The following SV2B variants were observed in gnomAD, a reference collection of about 807,000 sequenced individuals.
SV2B encodes the protein solute carrier family 22 member B2.
In SV2B, 41 loss-of-function variants were observed where a neutral mutation model predicts 73.9. That is an observed-to-expected ratio of 0.56 (90% CI 0.43 to 0.72). The LOEUF (loss-of-function observed/expected upper bound fraction) is 0.72. SV2B is among the 30% of genes least tolerant of loss of function. The pLI, the probability that SV2B is intolerant of heterozygous loss-of-function variation, is 0.00. For missense variants in SV2B, 764 were observed against 857.8 expected, an observed-to-expected ratio of 0.89 and a Z score of 1.37; for synonymous variants, 314 against 314.2, an observed-to-expected ratio of 1.00 and a Z score of 0.01.
In SV2B at chr15:91,226,224, T is replaced by C; in HGVS notation, c.-40T>C. 1.9e-6 allele frequency: 3 copies of C among 1,602,024 alleles called. No individual in the cohort carries two copies. Among genetic ancestry groups the C allele is most frequent in the Non-Finnish European group, 2.6e-6 (3 of 1,170,366 alleles). On this transcript the variant is annotated 5_prime_UTR_variant, in exon 2 of 13. Transcript: ENST00000394232. ...CAAACCTCTACCACAGAGCGAGGGATATAGCTCAAGGGGCAACCAGGCAGT... is the reference window on the plus strand; with the variant it reads ...CAAACCTCTACCACAGAGCGAGGGACATAGCTCAAGGGGCAACCAGGCAGT...
Position 91,268,166 on chromosome 15 carries a change from A to C in SV2B, c.1209-275A>C, listed in dbSNP as rs111621432. ...TCTGGCTGAGACATGTATATTTTACATGTTAAGGAGGTGTCCCTCAACCCC... is the reference window on the plus strand; with the variant it reads ...TCTGGCTGAGACATGTATATTTTACCTGTTAAGGAGGTGTCCCTCAACCCC... On this transcript the variant is annotated intron_variant, in intron 8 of 12. Transcript: ENST00000394232. The surrounding 1 kb of genome is among the most constrained non-coding windows in gnomAD (Gnocchi z 4.4). Among the ~76,000 whole-genome samples the C allele has an allele frequency of 1.3e-5, 2 of 152,312 alleles. No individual in the cohort carries two copies. Among genetic ancestry groups the C allele is most frequent in the South Asian group, 4.2e-4 (2 of 4,818 alleles).
At chr15:91,196,496 T>A (rs965049304) in intron 1 of SV2B, among the ~76,000 whole-genome samples, 1 of 152,090 alleles carries the variant, frequency 6.6e-6, no homozygotes, top group African/African-American at 2.4e-5. Context: ...CCCAGCACTA[T>A]GAAGGGAAGG....
intron 1 of SV2B, among the ~76,000 whole-genome samples, chr15:91,160,807 C>T (rs1370421202): frequency 2.0e-5 from 3 of 151,640 alleles, no homozygotes; most frequent in Non-Finnish European, 4.4e-5. Flanking sequence ...AGGATTGATA[C>T]ACATTTAGAA....
At chr15:91,152,229 GTTCT>G (rs2043337065) in intron 1 of SV2B, among the ~76,000 whole-genome samples, 1 of 152,146 alleles carries the variant, frequency 6.6e-6, no homozygotes, top group Non-Finnish European at 1.5e-5. Flanking sequence ...ATGAGTCAAT[GTTCT>G]TTGTTTTTTC....
intron 1 of SV2B, among the ~76,000 whole-genome samples, chr15:91,172,496 C>G (rs1415095906): frequency 1.3e-5 from 2 of 152,230 alleles, no homozygotes; most frequent in South Asian, 4.1e-4. Context: ...TCTTCTTCTT[C>G]TGGCATATGG....
intron 1 of SV2B, among the ~76,000 whole-genome samples, chr15:91,149,501 G>C (rs1452709696): frequency 2.0e-5 from 3 of 152,148 alleles, no homozygotes; most frequent in Admixed American, 1.3e-4. Context: ...ATTTTCTGTG[G>C]GCACAACCTA....
rs1395998874 is a variant in SV2B, at chr15:91,261,759, A to C, written c.1008+1350A>C. 2.0e-5 allele frequency among the ~76,000 whole-genome samples: 3 copies of C among 152,224 alleles called. No homozygotes were observed. Among genetic ancestry groups the C allele is most frequent in the Non-Finnish European group, 4.4e-5 (3 of 68,034 alleles). On this transcript the variant is annotated intron_variant, in intron 6 of 12. Transcript: ENST00000394232. This position sits in a 1 kb window ranked among gnomAD's most constrained non-coding sequence, Gnocchi z 4.7. ...ATTAGTCTGAATTTTGTTTCTTGCCAGTTTTAAAAGCAGACAAAACAAACA... is the reference window on the plus strand; with the variant it reads ...ATTAGTCTGAATTTTGTTTCTTGCCCGTTTTAAAAGCAGACAAAACAAACA...
At chr15:91,101,861 A>C (rs942281191) in intron 1 of SV2B, 6 of 152,208 alleles carry the variant, frequency 3.9e-5, no homozygotes, top group Non-Finnish European at 7.3e-5. Flanking sequence ...AATACAAGTC[A>C]GACTTTAATT....
At chr15:91,131,660 A>C (rs1409912207) in intron 1 of SV2B, among the ~76,000 whole-genome samples, 1 of 151,822 alleles carries the variant, frequency 6.6e-6, no homozygotes, top group Non-Finnish European at 1.5e-5. Context: ...TGAAAAAAAA[A>C]AACAAAAAAA....
In SV2B at chr15:91,157,218, T is replaced by C. The variant is rs77994757; in HGVS notation, c.-392+56855T>C. Among the ~76,000 whole-genome samples the C allele has an allele frequency of 8.5e-3, 1,298 of 152,274 alleles. 11 individuals carry two copies. Among genetic ancestry groups the C allele is most frequent in the African/African-American group, 0.024 (977 of 41,544 alleles). On this transcript the variant is annotated intron_variant, in intron 1 of 12. Coordinates refer to ENST00000394232, the MANE Select transcript of SV2B (RefSeq NM_001323032.3). The stretch of plus-strand genomic sequence containing the variant: ...TTCCGGGAAGCATGTCCTGGAGTGA[T>C]TGGGAGTCAAATCACTTGGGATGCA...
chr15:91,112,207 A>C lies in SV2B; in HGVS notation c.-392+11844A>C, dbSNP rs193226882. On this transcript the variant is annotated intron_variant, in intron 1 of 12. Coordinates refer to ENST00000394232, the MANE Select transcript of SV2B (RefSeq NM_001323032.3). ...TGAGAAGTAGCAGGACGCCCACTAG[A>C]ATCTCTTGTGGGTTTAAATGTTGTC... 1.1e-3 allele frequency among the ~76,000 whole-genome samples: 160 copies of C among 152,156 alleles called. 3 individuals are homozygous for C. The East Asian group carries it at 0.02, about 19-fold the overall frequency.
At chr15:91,256,778 G>A (rs1004948033) in intron 4 of SV2B, among the ~76,000 whole-genome samples, 20 of 152,140 alleles carry the variant, frequency 1.3e-4, no homozygotes, top group Admixed American at 9.8e-4. Context: ...TTTCCACACC[G>A]GGATTCCCTC....
rs1338992424 is a variant in SV2B at position 91,289,125 on chromosome 15, T to G, written c.1709-396T>G. 6.6e-6 allele frequency among the ~76,000 whole-genome samples: 1 copy of G among 152,232 alleles called. No individual in the cohort carries two copies. Among genetic ancestry groups the G allele is most frequent in the Non-Finnish European group, 1.5e-5 (1 of 68,040 alleles). ...CACAGATCTCTTTGACATCCTGGTT[T>G]CAAATCAAGACTGAGGTTTTTGTTT... On this transcript the variant is annotated intron_variant, in intron 11 of 12. Coordinates refer to ENST00000394232, the MANE Select transcript of SV2B (RefSeq NM_001323032.3). The surrounding 1 kb of genome is among the most constrained non-coding windows in gnomAD (Gnocchi z 4.9).
chr15:91,270,004 T>C (rs919500566), intron 9 of SV2B, among the ~76,000 whole-genome samples: 1 of 152,166 alleles, frequency 6.6e-6, no homozygotes, highest in Non-Finnish European at 1.5e-5. Context: ...GATGTTTCAT[T>C]GTCTGAGCTC....
intron 9 of SV2B, among the ~76,000 whole-genome samples, chr15:91,274,697 T>G (rs1453947540): frequency 1.3e-5 from 2 of 152,210 alleles, no homozygotes; most frequent in Non-Finnish European, 2.9e-5. Context: ...GAAGTGCATT[T>G]TAAGTGTCAA....
chr15:91,188,956 A>G (rs1005707609), intron 1 of SV2B, among the ~76,000 whole-genome samples: 4 of 151,966 alleles, frequency 2.6e-5, no homozygotes, highest in African/African-American at 9.7e-5. Flanking sequence ...CCTCCCAAAT[A>G]GCTGGCATTA....
intron 1 of SV2B, among the ~76,000 whole-genome samples, chr15:91,203,878 C>G (rs188122435): frequency 2.6e-5 from 4 of 152,306 alleles, no homozygotes; most frequent in African/African-American, 9.6e-5. Context: ...CTCTGCACAG[C>G]CTTTAGTACA....
At position 91,115,238 on chromosome 15, in the gene SV2B, G is replaced by A. The variant is rs1170519907; in HGVS notation, c.-392+14875G>A. Among the ~76,000 whole-genome samples, 2 of 152,156 alleles carry A rather than the reference G, an allele frequency of 1.3e-5. No individual in the cohort carries two copies. The highest frequency in any genetic ancestry group is 4.8e-5 in the African/African-American group (2 of 41,440). ...GTTGTTGCTGAAAGAAGAGGACATGGGTCCTGAGCAGGCGAAACCCACAGA... is the reference window on the plus strand; with the variant it reads ...GTTGTTGCTGAAAGAAGAGGACATGAGTCCTGAGCAGGCGAAACCCACAGA... On this transcript the variant is annotated intron_variant, in intron 1 of 12. Transcript: ENST00000394232. This position sits in a 1 kb window ranked among gnomAD's most constrained non-coding sequence, Gnocchi z 4.3.
At chr15:91,247,837 G>T (rs540291736) in intron 2 of SV2B, among the ~76,000 whole-genome samples, 4 of 152,158 alleles carry the variant, frequency 2.6e-5, no homozygotes, top group Non-Finnish European at 5.9e-5. Context: ...GACCAAGTAA[G>T]GTCTAGGAGG....
Sources: gnomAD v4.1 joint callset for allele counts (sites outside exome capture counted in the v4.1 genomes callset) on GRCh38, gnomAD v4.1.1 for gene constraint, Gnocchi (gnomAD v3.1) non-coding constraint, MANE v1.5 for transcripts, NCBI Gene and HGNC (gene_info 2026-07-23, HGNC 2026-07-21) for gene names.